The following HECW2 variants were observed in gnomAD, a reference collection of about 807,000 sequenced individuals.
HECW2 encodes the protein E3 ubiquitin-protein ligase HECW2.
A neutral mutation model predicts 175.2 loss-of-function variants in HECW2; 61 were observed. That is an observed-to-expected ratio of 0.35 (90% CI 0.28 to 0.43). The LOEUF is 0.43. HECW2 is among the 20% of genes least tolerant of loss of function. HECW2 has a pLI of 1.00. For synonymous variants in HECW2, 671 were observed against 731.0 expected (o/e 0.92, Z 1.32); for missense variants, 1,524 against 2,000.5 (o/e 0.76, Z 4.54).
intron 1 of HECW2, among the ~76,000 whole-genome samples, chr2:196,490,477 C>A (rs1278180475): frequency 2.6e-5 from 4 of 152,124 alleles, no homozygotes; most frequent in African/African-American, 9.7e-5. Context: ...ACAAGAAGAA[C>A]CCTCACATAC....
At chr2:196,371,057 G>A (rs73053781) in intron 2 of HECW2, among the ~76,000 whole-genome samples, 3,342 of 151,998 alleles carry the variant, frequency 0.022, 123 homozygotes, top group African/African-American at 0.076. Flanking sequence ...CGTTCAATTT[G>A]GTGTTACTGT....
At chr2:196,243,649 C>T (rs1023637816) in intron 19 of HECW2, among the ~76,000 whole-genome samples, 2 of 151,248 alleles carry the variant, frequency 1.3e-5, no homozygotes, top group Admixed American at 1.3e-4. Flanking sequence ...GGTGTGATCT[C>T]GGCTAACCCA....
chr2:196,234,826 T>A (rs2105861192), intron 21 of HECW2, among the ~76,000 whole-genome samples: 1 of 152,224 alleles, frequency 6.6e-6, no homozygotes, highest in South Asian at 2.1e-4. Flanking sequence ...CCACATTCAG[T>A]CAAGATGACT....
chr2:196,248,625 C>CAGAGAG (rs1418875889), intron 19 of HECW2, among the ~76,000 whole-genome samples: 78 of 144,070 alleles, frequency 5.4e-4, no homozygotes, highest in South Asian at 3.8e-3. Flanking sequence ...CACACACACA[C>CAGAGAG]ACACACAGAG....
rs1423172106 is a variant in HECW2, at chr2:196,194,379, T to G, written c.*6898A>C. ...CAGAAAAGTCATAATCTATTTTTTT[T>G]AAAGAAGATTTATTTTGGATTAAGT... On this transcript the variant is annotated 3_prime_UTR_variant, in exon 29 of 29. Transcript: ENST00000644978. 3 of 152,080 alleles carry G rather than the reference T, an allele frequency of 2.0e-5. No individual in the cohort carries two copies. 9.4% of individuals were successfully genotyped at this position (152,080 alleles called of 1,614,324 possible).
intron 1 of HECW2, among the ~76,000 whole-genome samples, chr2:196,563,324 G>C (rs1690070191): frequency 6.6e-6 from 1 of 152,148 alleles, no homozygotes; most frequent in Non-Finnish European, 1.5e-5. Flanking sequence ...CCAGCACTTT[G>C]GGAGGCCGAG....
intron 1 of HECW2, among the ~76,000 whole-genome samples, chr2:196,589,195 T>C (rs1021518347): frequency 5.3e-5 from 8 of 152,126 alleles, no homozygotes; most frequent in Non-Finnish European, 8.8e-5. Context: ...TGAGACCCTG[T>C]CTCAAAAAAT....
chr2:196,285,739 T>C (rs1433755170), intron 14 of HECW2, among the ~76,000 whole-genome samples: 1 of 152,196 alleles, frequency 6.6e-6, no homozygotes, highest in African/African-American at 2.4e-5. Flanking sequence ...AATGATACAG[T>C]TTATCCTCAG....
chr2:196,387,103 T>C (rs1326253442), intron 2 of HECW2, among the ~76,000 whole-genome samples: 3 of 152,208 alleles, frequency 2.0e-5, no homozygotes, highest in Admixed American at 2.0e-4. Flanking sequence ...ATAATTTACA[T>C]ATTAAACTTA....
chr2:196,473,015 T>C (rs190131779), intron 1 of HECW2, among the ~76,000 whole-genome samples: 1 of 152,230 alleles, frequency 6.6e-6, no homozygotes, highest in Non-Finnish European at 1.5e-5. Flanking sequence ...CATAATGAAA[T>C]TGTAGAATCT....
rs1372893853 is a variant in HECW2, at chr2:196,196,805, AAAAC to A, written c.*4468_*4471del. ...AGCCAGACCTTATCACAAATAAACAAAAACAACTGCCAGCATGGTGGCTCACACC... is the reference window on the plus strand; with the variant it reads ...AGCCAGACCTTATCACAAATAAACAAAACTGCCAGCATGGTGGCTCACACC... On this transcript the variant is annotated 3_prime_UTR_variant, in exon 29 of 29. Coordinates refer to ENST00000644978, the MANE Select transcript of HECW2 (RefSeq NM_001348768.2). 1 of 152,180 alleles carries A rather than the reference AAAAC, an allele frequency of 6.6e-6. No individual in the cohort carries two copies. The allele number at this position is 152,180 out of a possible 1,614,324, so 9.4% of individuals were successfully genotyped here. A position where few individuals can be genotyped will look rare whatever the true frequency, so the allele number is the denominator to read the frequency against.
chr2:196,286,865 G>A (rs369445032), intron 14 of HECW2, among the ~76,000 whole-genome samples: 30 of 152,294 alleles, frequency 2.0e-4, no homozygotes, highest in African/African-American at 6.5e-4. Flanking sequence ...ATCTTGCTAA[G>A]AGACTTTTGA....
At chr2:196,492,124 G>C (rs1209642442) in intron 1 of HECW2, among the ~76,000 whole-genome samples, 1 of 152,040 alleles carries the variant, frequency 6.6e-6, no homozygotes. Context: ...ATTTAACATA[G>C]TCAAAAATGT....
At chr2:196,276,876 G>C (rs972818462) in intron 15 of HECW2, among the ~76,000 whole-genome samples, 1 of 152,164 alleles carries the variant, frequency 6.6e-6, no homozygotes, top group Non-Finnish European at 1.5e-5. Flanking sequence ...TCCAAGAGTA[G>C]AATTTTGATG....
At chr2:196,214,965 A>T (rs1687419360) in intron 28 of HECW2, among the ~76,000 whole-genome samples, 1 of 152,206 alleles carries the variant, frequency 6.6e-6, no homozygotes, top group Non-Finnish European at 1.5e-5. Context: ...TCAATTTAGG[A>T]TAACATCTTG....
chr2:196,329,799 G>A, intron 4 of HECW2, 149 bp from the exon 5 acceptor site: 1 of 589,410 alleles, frequency 1.7e-6, no homozygotes, highest in Non-Finnish European at 3.0e-6. Context: ...TCTTGGAACA[G>A]AGACACAAAT....
chr2:196,261,649 G>C (rs1425615497), intron 17 of HECW2, among the ~76,000 whole-genome samples: 1 of 152,122 alleles, frequency 6.6e-6, no homozygotes, highest in Non-Finnish European at 1.5e-5. Context: ...TGGTGATTTG[G>C]CTTCTGAAAA....
At chr2:196,303,156 C>T (rs371950621) in intron 13 of HECW2, among the ~76,000 whole-genome samples, 5 of 152,106 alleles carry the variant, frequency 3.3e-5, no homozygotes, top group Admixed American at 6.5e-5. Flanking sequence ...GCCTTTTCTG[C>T]GTCTATTGAA....
At chr2:196,233,862 T>C (rs1000678607) in intron 21 of HECW2, among the ~76,000 whole-genome samples, 2 of 152,160 alleles carry the variant, frequency 1.3e-5, no homozygotes, top group African/African-American at 4.8e-5. Flanking sequence ...ATCTGACCAG[T>C]CATATGTAAG....
Sources: gnomAD v4.1 joint callset for allele counts (sites outside exome capture counted in the v4.1 genomes callset) on GRCh38, gnomAD v4.1.1 for gene constraint, MANE v1.5 for transcripts, NCBI Gene and HGNC (gene_info 2026-07-23, HGNC 2026-07-21) for gene names.